MCTP2: variants seen among roughly 807,000 people sequenced by gnomAD.
MCTP2 encodes the protein multiple C2 and transmembrane domain containing 2.
MCTP2 carries 132 observed loss-of-function variants against 111.6 expected under a neutral mutation model. The observed-to-expected ratio is 1.18, with a 90% CI of 1.03 to 1.37. The LOEUF is 1.37. MCTP2 is among the 40% of genes most tolerant of loss of function. The pLI, the probability that MCTP2 is intolerant of heterozygous loss-of-function variation, is 0.00. For synonymous variants in MCTP2, 395 were observed against 387.7 expected (o/e 1.02, Z -0.22); for missense variants, 1,183 against 1,067.9 (o/e 1.11, Z -1.50).
At chr15:94,267,869 C>CTTTT (rs755287019) in intron 1 of MCTP2, among the ~76,000 whole-genome samples, 901 of 77,416 alleles carry the variant, frequency 0.012, 149 homozygotes, top group African/African-American at 0.045. Flanking sequence ...CCTTTTCTTT[C>CTTTT]TTTTTTTTTT....
chr15:94,270,687 G>T (rs1567307325), intron 1 of MCTP2, among the ~76,000 whole-genome samples: 1 of 151,960 alleles, frequency 6.6e-6, no homozygotes, highest in Non-Finnish European at 1.5e-5. Context: ...GAGGCTCTTT[G>T]GCTACATGTA....
chr15:94,436,862 T>C (rs10152304), intron 17 of MCTP2, among the ~76,000 whole-genome samples: 5,658 of 144,402 alleles, frequency 0.039, 325 homozygotes, highest in African/African-American at 0.12. Context: ...TTAAAACCCT[T>C]AATCCCCCCA....
intron 1 of MCTP2, chr15:94,292,969 A>C (rs2075098606): frequency 6.6e-6 from 1 of 152,220 alleles, no homozygotes; most frequent in Admixed American, 6.5e-5. Context: ...AATTCAGTGG[A>C]GATATTACAG....
chr15:94,344,858 A>G (rs553574127), intron 7 of MCTP2, among the ~76,000 whole-genome samples: 1 of 152,350 alleles, frequency 6.6e-6, no homozygotes, highest in East Asian at 1.9e-4. Context: ...TTAAAAATGT[A>G]CTTCTAAAGA....
intron 14 of MCTP2, among the ~76,000 whole-genome samples, chr15:94,393,120 A>C (rs1028662156): frequency 1.3e-5 from 2 of 152,018 alleles, no homozygotes; most frequent in Admixed American, 6.6e-5. Flanking sequence ...ATGAACATAA[A>C]GAAAATTCAT....
chr15:94,381,701 G>C (rs760174034), intron 12 of MCTP2, among the ~76,000 whole-genome samples: 1 of 152,206 alleles, frequency 6.6e-6, no homozygotes, highest in Non-Finnish European at 1.5e-5. Context: ...AGCTGTTTCA[G>C]CCTGGGTGGA....
chr15:94,312,760 T>G (rs539403904), intron 2 of MCTP2, among the ~76,000 whole-genome samples: 1 of 152,296 alleles, frequency 6.6e-6, no homozygotes, highest in South Asian at 2.1e-4. Flanking sequence ...TTCTGCCCAG[T>G]TGCAGCCTTT....
rs754418431 is a variant in MCTP2, at chr15:94,479,045, G to A, written c.*11G>A. 23 of 1,613,602 alleles carry A rather than the reference G, an allele frequency of 1.4e-5. 1 individual carries two copies. Among genetic ancestry groups the A allele is most frequent in the Middle Eastern group, 3.3e-4 (2 of 6,084 alleles). On this transcript the variant is annotated 3_prime_UTR_variant, in exon 23 of 23. Transcript: ENST00000357742. ...CGCAGCGCTCTCTAGGGCACACACC[G>A]ACTTTGGACAGCAGCACCCAATATT... is the stretch of plus-strand genomic sequence containing the variant.
chr15:94,255,278 C>A (rs981299257), intron 1 of MCTP2, among the ~76,000 whole-genome samples: 1 of 152,058 alleles, frequency 6.6e-6, no homozygotes, highest in Admixed American at 6.5e-5. Context: ...GCTTTAGAGA[C>A]CTAATATAGA....
intron 8 of MCTP2, among the ~76,000 whole-genome samples, chr15:94,349,298 T>C (rs2078167917): frequency 6.6e-6 from 1 of 152,144 alleles, no homozygotes; most frequent in Non-Finnish European, 1.5e-5. Flanking sequence ...GGGACTGTCT[T>C]CCTTAACATC....
intron 6 of MCTP2, among the ~76,000 whole-genome samples, chr15:94,340,587 T>C (rs749149763): frequency 2.0e-5 from 3 of 152,084 alleles, no homozygotes; most frequent in Non-Finnish European, 2.9e-5. Context: ...TTTATTTGAG[T>C]GGTAGGGGAG....
At chr15:94,380,317 G>A (rs770017266) in intron 12 of MCTP2, among the ~76,000 whole-genome samples, 1 of 152,118 alleles carries the variant, frequency 6.6e-6, no homozygotes, top group Non-Finnish European at 1.5e-5. Flanking sequence ...AGTTTGCTGT[G>A]GGATGAGAAT....
At chr15:94,269,805 G>T (rs1032000960) in intron 1 of MCTP2, among the ~76,000 whole-genome samples, 2 of 152,152 alleles carry the variant, frequency 1.3e-5, no homozygotes, top group African/African-American at 2.4e-5. Context: ...TGTAGCTAAA[G>T]AATGTTATGT....
intron 12 of MCTP2, among the ~76,000 whole-genome samples, chr15:94,377,691 C>T (rs1460018625): frequency 6.6e-6 from 1 of 152,036 alleles, no homozygotes; most frequent in Non-Finnish European, 1.5e-5. Context: ...GGTCCCTGAC[C>T]TCATGTGAAG....
chr15:94,244,754 C>G lies in MCTP2; in HGVS notation c.-66+13090C>G, dbSNP rs891109816. On this transcript the variant is annotated intron_variant, in intron 1 of 22. Coordinates refer to ENST00000357742, the MANE Select transcript of MCTP2 (RefSeq NM_001385001.1). Reference sequence around the variant, plus strand: ...TATATGTATACACATACATATGCACCTATGTTTATATTCGTATATGTATAC... The same window carrying G: ...TATATGTATACACATACATATGCACGTATGTTTATATTCGTATATGTATAC... Among the ~76,000 whole-genome samples, 5 of 145,028 alleles carry G rather than the reference C, an allele frequency of 3.4e-5. No homozygotes were observed. The East Asian group carries it at 8.2e-4, about 24-fold the overall frequency.
intron 14 of MCTP2, among the ~76,000 whole-genome samples, chr15:94,393,776 A>G (rs2081121866): frequency 6.6e-6 from 1 of 152,184 alleles, no homozygotes; most frequent in African/African-American, 2.4e-5. Flanking sequence ...TCAGCCAGTC[A>G]CGGTGGCTCA....
At chr15:94,436,476 A>G (rs898068068) in intron 17 of MCTP2, among the ~76,000 whole-genome samples, 4 of 152,236 alleles carry the variant, frequency 2.6e-5, no homozygotes, top group African/African-American at 9.6e-5. Context: ...TTTAAAAAAT[A>G]TATATCTAAA....
chr15:94,425,906 A>T (rs566510722), intron 17 of MCTP2, among the ~76,000 whole-genome samples: 4 of 152,314 alleles, frequency 2.6e-5, no homozygotes, highest in South Asian at 4.1e-4. Context: ...AGGCTCAGGC[A>T]ACTTTAGAGG....
At chr15:94,394,049 CAAA>C (rs767685107) in intron 14 of MCTP2, among the ~76,000 whole-genome samples, 557 of 61,720 alleles carry the variant, frequency 9.0e-3, no homozygotes, top group South Asian at 0.054. Context: ...AACTCCATCT[CAAA>C]AAAAAAAAAA....
Sources: allele counts gnomAD v4.1 joint callset (sites outside exome capture counted in the v4.1 genomes callset), GRCh38; gene constraint gnomAD v4.1.1; transcripts MANE v1.5; gene names NCBI Gene and HGNC (gene_info 2026-07-23, HGNC 2026-07-21).